Variants in AXDND1 observed in about 807,000 individuals in gnomAD.
AXDND1 encodes the protein axonemal dynein light chain domain-containing protein 1.
Under a neutral mutation model 137.5 loss-of-function variants are expected in AXDND1, and 110 were observed. That is an observed-to-expected ratio of 0.80 (90% CI 0.69 to 0.94). AXDND1 has a LOEUF of 0.94. AXDND1 is among the 40% of genes least tolerant of loss of function. The pLI, the probability that AXDND1 is intolerant of heterozygous loss-of-function variation, is 0.00. For synonymous variants in AXDND1, 414 were observed against 399.7 expected (o/e 1.04, Z -0.43); for missense variants, 1,191 against 1,169.8 (o/e 1.02, Z -0.26).
chr1:179,460,880 C>G lies in AXDND1; in HGVS notation c.1799-7563C>G, dbSNP rs147939185. ...ACAAGTGTCTGTTCATATCCTTCGC[C>G]CACTTGTTGATGGGGTTGTTTGTTT... On this transcript the variant is annotated intron_variant, in intron 16 of 25. Coordinates refer to ENST00000367618, the MANE Select transcript of AXDND1 (RefSeq NM_144696.6). Among the ~76,000 whole-genome samples, 669 of 152,272 alleles carry G rather than the reference C, an allele frequency of 4.4e-3. 3 individuals carry two copies. Among genetic ancestry groups the G allele is most frequent in the Non-Finnish European group, 7.3e-3 (495 of 68,024 alleles).
chr1:179,398,379 C>T (rs1181895478), intron 11 of AXDND1, among the ~76,000 whole-genome samples: 3 of 152,094 alleles, frequency 2.0e-5, no homozygotes, highest in Non-Finnish European at 1.5e-5. Context: ...AGCTGAGGTG[C>T]TCCTGGACCA....
chr1:179,392,984 C>T (rs1295687031), intron 9 of AXDND1, among the ~76,000 whole-genome samples: 2 of 151,940 alleles, frequency 1.3e-5, no homozygotes, highest in African/African-American at 2.4e-5. Context: ...AATTAGGTCC[C>T]ATCTATTTAT....
intron 17 of AXDND1, among the ~76,000 whole-genome samples, chr1:179,470,667 C>T (rs528512122): frequency 5.3e-4 from 80 of 151,996 alleles, no homozygotes; most frequent in African/African-American, 1.9e-3. Context: ...TTATTAGTTG[C>T]AATAATTTTT....
chr1:179,386,832 C>T (rs1470941165), intron 9 of AXDND1, among the ~76,000 whole-genome samples: 6 of 152,028 alleles, frequency 3.9e-5, no homozygotes, highest in South Asian at 4.1e-4. Flanking sequence ...TCAAGTGATC[C>T]GCCTACCTCA....
chr1:179,551,526 A>C (rs1673282034), intron 25 of AXDND1: 5 of 1,555,652 alleles, frequency 3.2e-6, no homozygotes, highest in Non-Finnish European at 4.4e-6. Flanking sequence ...AGTATGACTC[A>C]GCAGACAAGC....
intron 12 of AXDND1, among the ~76,000 whole-genome samples, 170 bp from the exon 13 acceptor site, chr1:179,429,348 G>A (rs1158684238): frequency 6.6e-6 from 1 of 152,098 alleles, no homozygotes; most frequent in Non-Finnish European, 1.5e-5. Context: ...ACTTCAGTTT[G>A]GTTCCAGTTC....
intron 16 of AXDND1, chr1:179,448,479 T>C (rs12724634): frequency 0.3 from 127,457 of 427,996 alleles, 20,565 homozygotes; most frequent in Non-Finnish European, 0.32. Context: ...ATTCCAAATA[T>C]TTAATATAAA....
Position 179,383,456 on chromosome 1 carries a change from G to C in AXDND1, c.653G>C (p.Arg218Thr). 1 of 1,613,680 alleles carries C rather than the reference G, an allele frequency of 6.2e-7. No homozygotes were observed. The highest frequency in any genetic ancestry group is 8.5e-7 in the Non-Finnish European group (1 of 1,179,648). ...TAATTTTTTAGGAAACCTAATAAAA[G>C]AGTAGAAGTGGCCCAGCTGAATGAT... is the stretch of plus-strand genomic sequence containing the variant. ...LLFPSMKPNKRVEVAQLNDVM... is the reference protein window; with the variant it reads ...LLFPSMKPNKTVEVAQLNDVM... The change falls in exon 8 of 26, where the codon AGA (arginine) becomes ACA (threonine). Residue 218 changes from arginine (R) to threonine (T), a missense_variant. Physicochemically the swap from Arg to Thr is moderately conservative, Grantham distance 71. Coordinates refer to ENST00000367618, the MANE Select transcript of AXDND1 (RefSeq NM_144696.6).
chr1:179,553,712 T>C (rs1673645558), intron 25 of AXDND1, among the ~76,000 whole-genome samples: 1 of 152,172 alleles, frequency 6.6e-6, no homozygotes, highest in Admixed American at 6.5e-5. Flanking sequence ...TATATTATAC[T>C]AAAACCACAG....
intron 4 of AXDND1, among the ~76,000 whole-genome samples, chr1:179,375,923 G>A (rs774296974): frequency 4.6e-5 from 7 of 152,080 alleles, no homozygotes; most frequent in Non-Finnish European, 1.0e-4. Flanking sequence ...TTTAAAAATA[G>A]TTATGGTCCA....
intron 4 of AXDND1, among the ~76,000 whole-genome samples, chr1:179,373,512 G>C (rs1438870268): frequency 6.6e-6 from 1 of 152,052 alleles, no homozygotes; most frequent in Non-Finnish European, 1.5e-5. Context: ...AGAGCCCACA[G>C]AGCCAAGACA....
At chr1:179,419,980 G>T (rs60408652) in intron 12 of AXDND1, among the ~76,000 whole-genome samples, 16,100 of 152,108 alleles carry the variant, frequency 0.11, 972 homozygotes, top group African/African-American at 0.14. Context: ...GGACTTCCAG[G>T]AATAAAAGTG....
chr1:179,495,288 A>G lies in AXDND1; in HGVS notation c.2388+2337A>G, dbSNP rs921971759. Among the ~76,000 whole-genome samples, 4 of 152,108 alleles carry G rather than the reference A, an allele frequency of 2.6e-5. No individual in the cohort carries two copies. The East Asian group carries it at 7.7e-4, about 29-fold the overall frequency. Reference sequence around the variant, plus strand: ...CTATTGATCAGTTTGTGGAGAATTGATATCTTAACAATATGGAGTCTTTAA... The same window carrying G: ...CTATTGATCAGTTTGTGGAGAATTGGTATCTTAACAATATGGAGTCTTTAA... On this transcript the variant is annotated intron_variant, in intron 20 of 25. Coordinates refer to ENST00000367618, the MANE Select transcript of AXDND1 (RefSeq NM_144696.6).
chr1:179,533,898 T>C lies in AXDND1; in HGVS notation c.2798+21T>C, dbSNP rs758363071. On this transcript the variant is annotated intron_variant, in intron 24 of 25. Coordinates refer to ENST00000367618, the MANE Select transcript of AXDND1 (RefSeq NM_144696.6). The stretch of plus-strand genomic sequence containing the variant: ...TTACTGTAAGTATGAGTCAACACAA[T>C]GGTAAGAGGATGAAAATGGCTGGCC... 1.6e-5 allele frequency: 26 copies of C among 1,599,638 alleles called. No homozygotes were observed. The South Asian group carries it at 2.8e-4, about 17-fold the overall frequency.
At chr1:179,422,382 C>A (rs1655898883) in intron 12 of AXDND1, among the ~76,000 whole-genome samples, 1 of 152,136 alleles carries the variant, frequency 6.6e-6, no homozygotes, top group African/African-American at 2.4e-5. Flanking sequence ...TTGATTCCTA[C>A]ATTGACCATT....
At chr1:179,372,602 T>G (rs1192408700) in intron 4 of AXDND1, among the ~76,000 whole-genome samples, 2 of 152,286 alleles carry the variant, frequency 1.3e-5, no homozygotes, top group Non-Finnish European at 1.5e-5. Context: ...TTTTTTTAAA[T>G]AAAAATAGAT....
chr1:179,552,811 C>A, intron 25 of AXDND1: 1 of 733,950 alleles, frequency 1.4e-6, no homozygotes. Context: ...CCAGAGTGTG[C>A]CATTCCTAGA....
intron 12 of AXDND1, among the ~76,000 whole-genome samples, chr1:179,415,609 C>G (rs1654574286): frequency 6.6e-6 from 1 of 152,170 alleles, no homozygotes; most frequent in Non-Finnish European, 1.5e-5. Flanking sequence ...TCATTACCCT[C>G]AAAAGAAACT....
At chr1:179,517,635 C>T (rs1031432341) in intron 21 of AXDND1, among the ~76,000 whole-genome samples, 5 of 152,234 alleles carry the variant, frequency 3.3e-5, no homozygotes, top group African/African-American at 1.2e-4. Flanking sequence ...CTGCTGCTTC[C>T]TCTACCCCTG....
Sources: allele counts gnomAD v4.1 joint callset (sites outside exome capture counted in the v4.1 genomes callset), GRCh38; gene constraint gnomAD v4.1.1; transcripts MANE v1.5; gene names NCBI Gene and HGNC (gene_info 2026-07-23, HGNC 2026-07-21).